The following PIAS2 variants were observed in gnomAD, a reference collection of about 807,000 sequenced individuals.
PIAS2 encodes E3 SUMO-protein ligase PIAS2.
Under a neutral mutation model 69.7 loss-of-function variants are expected in PIAS2, and 19 were observed. The observed-to-expected ratio is 0.27, with a 90% CI of 0.19 to 0.40. The LOEUF is 0.40. Ranked by LOEUF, PIAS2 falls within the 10% of genes least tolerant of loss-of-function variation. PIAS2 has a pLI of 1.00. For synonymous variants in PIAS2, 261 were observed against 263.2 expected, an observed-to-expected ratio of 0.99 and a Z score of 0.08; for missense variants, 624 against 757.0, an observed-to-expected ratio of 0.82 and a Z score of 2.06.
intron 10 of PIAS2, among the ~76,000 whole-genome samples, chr18:46,829,215 A>G (rs1217909704): frequency 6.6e-6 from 1 of 152,210 alleles, no homozygotes; most frequent in African/African-American, 2.4e-5. Flanking sequence ...GGATGGATGC[A>G]GGCAGTTGAT....
rs371096554 is a variant in PIAS2 at position 46,900,435 on chromosome 18, G to A, written c.25-9381C>T. Among the ~76,000 whole-genome samples the A allele has an allele frequency of 1.5e-4, 23 of 151,708 alleles. No homozygotes were observed. In the South Asian group the frequency reaches 4.0e-3, roughly 26 times the overall value. On this transcript the variant is annotated intron_variant, in intron 1 of 13. Coordinates refer to ENST00000585916, the MANE Select transcript of PIAS2 (RefSeq NM_004671.5). The stretch of plus-strand genomic sequence containing the variant: ...TTTAATCCCAGCTATTTGGGAGGCT[G>A]AGGCAGGAAGATCACTTGGGCCAGG...
At chr18:46,891,957 C>G (rs1247959324) in intron 1 of PIAS2, among the ~76,000 whole-genome samples, 1 of 152,100 alleles carries the variant, frequency 6.6e-6, no homozygotes, top group Non-Finnish European at 1.5e-5. Flanking sequence ...GGGTCAGATA[C>G]CACACATGCA....
At chr18:46,839,971 A>G (rs564942261) in intron 8 of PIAS2, among the ~76,000 whole-genome samples, 1 of 151,364 alleles carries the variant, frequency 6.6e-6, no homozygotes, top group South Asian at 2.1e-4. Context: ...GACCAGCCTG[A>G]CCAACATGGT....
At chr18:46,911,694 A>G (rs72915096) in intron 1 of PIAS2, among the ~76,000 whole-genome samples, 11,700 of 152,308 alleles carry the variant, frequency 0.077, 484 homozygotes, top group African/African-American at 0.1. Context: ...ACTTTAGAAG[A>G]GTTATAAAAC....
chr18:46,917,419 C>A lies in PIAS2; in HGVS notation c.-74G>T. 2.2e-6 allele frequency: 3 copies of A among 1,372,256 alleles called. No homozygotes were observed. Among genetic ancestry groups the A allele is most frequent in the Non-Finnish European group, 1.9e-6 (2 of 1,061,326 alleles). 85.0% of individuals were successfully genotyped at this position (1,372,256 alleles called of 1,614,324 possible). On this transcript the variant is annotated 5_prime_UTR_variant, in exon 1 of 14. Coordinates refer to ENST00000585916, the MANE Select transcript of PIAS2 (RefSeq NM_004671.5). ...GCTGCCGCCAACGACGCTGCCGCCA[C>A]CACGGCCGCCGCCGCCTCCAGCACC...
chr18:46,877,207 C>T (rs1322138343), intron 2 of PIAS2, among the ~76,000 whole-genome samples: 1 of 152,148 alleles, frequency 6.6e-6, no homozygotes, highest in African/African-American at 2.4e-5. Context: ...CAGATAAGCT[C>T]CTACTTTTAG....
intron 8 of PIAS2, among the ~76,000 whole-genome samples, chr18:46,842,441 A>G (rs2045560010): frequency 6.6e-6 from 1 of 152,146 alleles, no homozygotes; most frequent in African/African-American, 2.4e-5. Flanking sequence ...TCCTTAGGTA[A>G]GTTGTGTAGA....
At chr18:46,829,693 G>A (rs750059267) in intron 10 of PIAS2, 41 bp downstream of exon 10, 25 of 1,570,594 alleles carry the variant, frequency 1.6e-5, no homozygotes, top group African/African-American at 2.7e-5. Context: ...AATGTTGCAC[G>A]AGTCTCACTG....
At chr18:46,870,615 CAAAAAAAA>C (rs58099640) in intron 2 of PIAS2, among the ~76,000 whole-genome samples, 26 of 54,934 alleles carry the variant, frequency 4.7e-4, no homozygotes, top group African/African-American at 7.1e-4. Flanking sequence ...GACTCCGTCT[CAAAAAAAA>C]AAAAAAAAAA....
chr18:46,909,003 C>T (rs1212437810), intron 1 of PIAS2, among the ~76,000 whole-genome samples: 1 of 151,948 alleles, frequency 6.6e-6, no homozygotes, highest in Non-Finnish European at 1.5e-5. Flanking sequence ...AGTGAGACTC[C>T]ATCTCAAAAA....
At chr18:46,913,585 A>G (rs923923469) in intron 1 of PIAS2, among the ~76,000 whole-genome samples, 2 of 151,852 alleles carry the variant, frequency 1.3e-5, no homozygotes, top group African/African-American at 4.8e-5. Flanking sequence ...AAGTCACTAC[A>G]ATAGATCCCC....
Position 46,827,956 on chromosome 18 carries a change from A to C in PIAS2, c.1508+3T>G. 1 of 1,612,934 alleles carries C rather than the reference A, an allele frequency of 6.2e-7. No homozygotes were observed. Among genetic ancestry groups the C allele is most frequent in the East Asian group, 2.2e-5 (1 of 44,866 alleles). On this transcript the variant is annotated splice_donor_region_variant and intron_variant, in intron 11 of 13. Transcript: ENST00000585916. The stretch of plus-strand genomic sequence containing the variant: ...AACAATAGTGAACTATAAATTAACA[A>C]ACCCTTTGGTTGGGCTGCTTTGTGT...
chr18:46,884,389 T>C (rs1412217404), intron 2 of PIAS2, among the ~76,000 whole-genome samples: 1 of 151,968 alleles, frequency 6.6e-6, no homozygotes, highest in Non-Finnish European at 1.5e-5. Flanking sequence ...CTAGGCTCAC[T>C]GCAAGCTCCG....
At chr18:46,855,797 G>A (rs1333633463) in intron 3 of PIAS2, among the ~76,000 whole-genome samples, 182 bp from the exon 4 acceptor site, 2 of 152,046 alleles carry the variant, frequency 1.3e-5, no homozygotes, top group African/African-American at 2.4e-5. Context: ...AACCTGACTT[G>A]CTTAACTTCT....
rs1287086749 is a variant in PIAS2, at chr18:46,812,055, A to T, written c.*378T>A. 2 of 154,124 alleles carry T rather than the reference A, an allele frequency of 1.3e-5. No homozygotes were observed. Among genetic ancestry groups the T allele is most frequent in the Non-Finnish European group, 2.9e-5 (2 of 69,596 alleles). The allele number at this position is 154,124 out of a possible 1,614,324, so 9.5% of individuals were successfully genotyped here. ...TGTCATTCTAGAATCAGTGATTACA[A>T]TTTTTTTTTTAATTAGAAAAAAGGT... On this transcript the variant is annotated 3_prime_UTR_variant, in exon 14 of 14. Transcript: ENST00000585916.
At chr18:46,862,292 CTG>C (rs2048780231) in intron 3 of PIAS2, among the ~76,000 whole-genome samples, 5 of 152,122 alleles carry the variant, frequency 3.3e-5, no homozygotes, top group Admixed American at 1.3e-4. Context: ...GATCATGCTA[CTG>C]CACTCACTCC....
At chr18:46,839,964 C>T (rs1299951500) in intron 8 of PIAS2, among the ~76,000 whole-genome samples, 1 of 151,710 alleles carries the variant, frequency 6.6e-6, no homozygotes, top group African/African-American at 2.4e-5. Context: ...AGCTCGAGAC[C>T]AGCCTGACCA....
chr18:46,835,886 C>G (rs1279815498), intron 9 of PIAS2, among the ~76,000 whole-genome samples: 1 of 152,180 alleles, frequency 6.6e-6, no homozygotes, highest in Non-Finnish European at 1.5e-5. Flanking sequence ...TTTCCAAATT[C>G]TGACATGCAA....
chr18:46,835,102 T>C (rs1267502864), intron 9 of PIAS2, among the ~76,000 whole-genome samples: 1 of 152,092 alleles, frequency 6.6e-6, no homozygotes, highest in Non-Finnish European at 1.5e-5. Context: ...TCACAAAATA[T>C]TAATGTGCAA....
Sources: gnomAD v4.1 joint callset for allele counts (sites outside exome capture counted in the v4.1 genomes callset) on GRCh38, gnomAD v4.1.1 for gene constraint, MANE v1.5 for transcripts, NCBI Gene and HGNC (gene_info 2026-07-23, HGNC 2026-07-21) for gene names.